Variants in LRRC69 observed in about 807,000 individuals in gnomAD.
The protein encoded by LRRC69 is leucine rich repeat containing 69, also known as leucine-rich repeat-containing protein 69.
LRRC69 carries 42 observed loss-of-function variants against 37.8 expected under a neutral mutation model. The observed-to-expected ratio is 1.11, with a 90% CI of 0.87 to 1.44. The LOEUF is 1.44. Ranked by LOEUF, LRRC69 falls within the 40% of genes most tolerant of loss-of-function variation. LRRC69 has a pLI of 0.00. For synonymous variants in LRRC69, 141 were observed against 143.1 expected (o/e 0.99, Z 0.11); for missense variants, 357 against 401.9 (o/e 0.89, Z 0.96).
chr8:91,135,061 G>T (rs965253277), intron 4 of LRRC69, among the ~76,000 whole-genome samples: 1 of 152,006 alleles, frequency 6.6e-6, no homozygotes, highest in African/African-American at 2.4e-5. Context: ...GCTATGAAGT[G>T]TTTTCAAGTA....
intron 5 of LRRC69, among the ~76,000 whole-genome samples, chr8:91,169,227 G>A (rs1257266865): frequency 6.6e-6 from 1 of 151,798 alleles, no homozygotes; most frequent in East Asian, 1.9e-4. Context: ...CCAAAATAGG[G>A]AACAACAGAC....
chr8:91,162,684 G>C (rs1434410012), intron 5 of LRRC69, among the ~76,000 whole-genome samples: 1 of 150,970 alleles, frequency 6.6e-6, no homozygotes, highest in Non-Finnish European at 1.5e-5. Context: ...AATATAGTTG[G>C]GTCTTATGTT....
At chr8:91,127,470 C>T (rs1213277390) in intron 3 of LRRC69, among the ~76,000 whole-genome samples, 1 of 151,712 alleles carries the variant, frequency 6.6e-6, no homozygotes, top group Non-Finnish European at 1.5e-5. Flanking sequence ...GAATTGGGCA[C>T]ATTAAATGTT....
chr8:91,153,452 A>G (rs534513742), intron 5 of LRRC69, among the ~76,000 whole-genome samples: 1 of 148,788 alleles, frequency 6.7e-6, no homozygotes, highest in South Asian at 2.1e-4. Context: ...AAATTGATGA[A>G]ATAATTGGAA....
intron 7 of LRRC69, among the ~76,000 whole-genome samples, chr8:91,207,858 A>G (rs867741670): frequency 1.1e-4 from 16 of 152,210 alleles, no homozygotes; most frequent in African/African-American, 3.9e-4. Context: ...GCTGTATAAC[A>G]AAGTATCACA....
chr8:91,110,367 A>G (rs749193720), intron 1 of LRRC69, among the ~76,000 whole-genome samples: 3 of 152,048 alleles, frequency 2.0e-5, no homozygotes, highest in Admixed American at 6.6e-5. Flanking sequence ...GGCCAGGTGC[A>G]GTGGCTCACG....
At chr8:91,163,990 C>T (rs1808988271) in intron 5 of LRRC69, among the ~76,000 whole-genome samples, 1 of 151,234 alleles carries the variant, frequency 6.6e-6, no homozygotes, top group Non-Finnish European at 1.5e-5. Context: ...TCCAAAGCTC[C>T]CTATATAAAA....
At chr8:91,153,418 C>T (rs550995827) in intron 5 of LRRC69, among the ~76,000 whole-genome samples, 16 of 150,558 alleles carry the variant, frequency 1.1e-4, no homozygotes, top group Admixed American at 2.6e-4. Flanking sequence ...ACAGTCTTCT[C>T]AGTGCCACGT....
intron 7 of LRRC69, among the ~76,000 whole-genome samples, chr8:91,216,630 C>G (rs957549583): frequency 2.0e-5 from 3 of 151,990 alleles, no homozygotes; most frequent in African/African-American, 7.2e-5. Flanking sequence ...AGACGGTTGT[C>G]TAGTATATGG....
chr8:91,202,079 G>A (rs1172614991), intron 7 of LRRC69, among the ~76,000 whole-genome samples: 1 of 152,130 alleles, frequency 6.6e-6, no homozygotes, highest in African/African-American at 2.4e-5. Context: ...GGTGATGGGC[G>A]CCTGTAATCC....
chr8:91,143,394 A>C (rs1270976989), intron 5 of LRRC69, among the ~76,000 whole-genome samples: 2 of 152,082 alleles, frequency 1.3e-5, no homozygotes, highest in Non-Finnish European at 2.9e-5. Context: ...ACACTTAAGA[A>C]ATGTGCTTAA....
intron 6 of LRRC69, among the ~76,000 whole-genome samples, chr8:91,198,797 G>A (rs2130626288): frequency 6.6e-6 from 1 of 152,144 alleles, no homozygotes; most frequent in Non-Finnish European, 1.5e-5. Flanking sequence ...AAATTGCACT[G>A]AATGCATCTC....
chr8:91,136,485 GT>G (rs1456802722), intron 5 of LRRC69, among the ~76,000 whole-genome samples: 1 of 151,998 alleles, frequency 6.6e-6, no homozygotes, highest in African/African-American at 2.4e-5. Flanking sequence ...AAAAAGTATA[GT>G]TTTTAAATTG....
At chr8:91,133,959 T>C (rs950566049) in intron 4 of LRRC69, among the ~76,000 whole-genome samples, 1 of 151,984 alleles carries the variant, frequency 6.6e-6, no homozygotes, top group African/African-American at 2.4e-5. Flanking sequence ...GTGAGCATTA[T>C]ATATTTTATC....
At chr8:91,139,410 C>T (rs868481996) in intron 5 of LRRC69, among the ~76,000 whole-genome samples, 8 of 151,828 alleles carry the variant, frequency 5.3e-5, no homozygotes, top group African/African-American at 1.9e-4. Context: ...GGCGTGGTGG[C>T]GGGTGCCTGC....
chr8:91,143,954 T>C (rs1024016344), intron 5 of LRRC69, among the ~76,000 whole-genome samples: 4 of 152,048 alleles, frequency 2.6e-5, no homozygotes, highest in African/African-American at 9.6e-5. Flanking sequence ...GTCTCACTTT[T>C]TTCCTCTTTA....
chr8:91,151,827 A>C (rs912968315), intron 5 of LRRC69, among the ~76,000 whole-genome samples: 2 of 151,298 alleles, frequency 1.3e-5, no homozygotes, highest in Non-Finnish European at 3.0e-5. Flanking sequence ...ACTTTTTAAT[A>C]ATTGCCATTC....
intron 5 of LRRC69, among the ~76,000 whole-genome samples, chr8:91,173,857 C>A (rs571569354): frequency 6.6e-6 from 1 of 151,468 alleles, no homozygotes; most frequent in South Asian, 2.1e-4. Flanking sequence ...GGCCCTACCT[C>A]GATACTATCA....
chr8:91,153,423 C>T (rs2130551034), intron 5 of LRRC69, among the ~76,000 whole-genome samples: 1 of 150,546 alleles, frequency 6.6e-6, no homozygotes, highest in Admixed American at 6.6e-5. Flanking sequence ...CTTCTCAGTG[C>T]CACGTGGTAC....
Sources: gnomAD v4.1 joint callset for allele counts (sites outside exome capture counted in the v4.1 genomes callset) on GRCh38, gnomAD v4.1.1 for gene constraint, MANE v1.5 for transcripts, NCBI Gene and HGNC (gene_info 2026-07-23, HGNC 2026-07-21) for gene names.